Variants in LRRC1 observed in about 807,000 individuals in gnomAD.
The protein encoded by LRRC1 is leucine-rich repeat-containing protein 1.
A neutral mutation model predicts 69.9 loss-of-function variants in LRRC1; 28 were observed. That is an observed-to-expected ratio of 0.40 (90% CI 0.30 to 0.55). The LOEUF (loss-of-function observed/expected upper bound fraction) is 0.55. Ranked by LOEUF, LRRC1 falls within the 20% of genes least tolerant of loss-of-function variation. The pLI is 0.47. For missense variants in LRRC1, 498 were observed against 609.0 expected (o/e 0.82, Z 1.92); for synonymous variants, 236 against 240.2 (o/e 0.98, Z 0.16).
intron 1 of LRRC1, among the ~76,000 whole-genome samples, chr6:53,816,774 A>T (rs1042645714): frequency 1.3e-5 from 2 of 152,166 alleles, no homozygotes; most frequent in African/African-American, 2.4e-5. Context: ...CTTTCCTTGT[A>T]TTTCTGATTC....
chr6:53,849,219 C>T (rs140577579), intron 2 of LRRC1, among the ~76,000 whole-genome samples: 92 of 152,316 alleles, frequency 6.0e-4, no homozygotes, highest in Non-Finnish European at 1.0e-3. Context: ...TCTTCGTACT[C>T]CATCCCTCCC....
chr6:53,849,706 A>G (rs1766066094), intron 2 of LRRC1, among the ~76,000 whole-genome samples: 1 of 152,250 alleles, frequency 6.6e-6, no homozygotes, highest in Admixed American at 6.5e-5. Context: ...CAATTTGAAG[A>G]TTAAATATAG....
At chr6:53,884,062 T>A in intron 4 of LRRC1, 1 of 714,016 alleles carries the variant, frequency 1.4e-6, no homozygotes, top group Admixed American at 2.0e-5. Context: ...AATTCTGCCC[T>A]TAAACTCTCA....
intron 10 of LRRC1, among the ~76,000 whole-genome samples, chr6:53,911,312 TTTAA>T (rs1339847920): frequency 2.6e-5 from 4 of 152,226 alleles, no homozygotes; most frequent in South Asian, 4.1e-4. Flanking sequence ...TCTGACCCAC[TTTAA>T]TTAATTAATT....
chr6:53,878,928 T>C, intron 2 of LRRC1, 65 bp from the exon 3 acceptor site: 1 of 906,772 alleles, frequency 1.1e-6, no homozygotes, highest in Non-Finnish European at 1.8e-6. Context: ...GTGTGATCCA[T>C]CTTGAGAGTG....
chr6:53,823,308 G>T (rs943261380), intron 1 of LRRC1, among the ~76,000 whole-genome samples: 1 of 152,156 alleles, frequency 6.6e-6, no homozygotes, highest in African/African-American at 2.4e-5. Context: ...CCTTATTAAA[G>T]AACTTAATAT....
At chr6:53,832,632 T>G (rs867328103) in intron 1 of LRRC1, among the ~76,000 whole-genome samples, 33 of 152,336 alleles carry the variant, frequency 2.2e-4, no homozygotes, top group Middle Eastern at 3.4e-3. Context: ...GTAAACAGAT[T>G]ATATCCCCCT....
chr6:53,833,405 C>T (rs1482156440), intron 1 of LRRC1, among the ~76,000 whole-genome samples: 7 of 152,118 alleles, frequency 4.6e-5, no homozygotes, highest in Non-Finnish European at 1.0e-4. Flanking sequence ...TTAATGGTGA[C>T]AGCTTAATAA....
chr6:53,867,452 T>C (rs1562050930), intron 2 of LRRC1, among the ~76,000 whole-genome samples: 1 of 151,252 alleles, frequency 6.6e-6, no homozygotes. Flanking sequence ...ATCTCACTAA[T>C]TGAAAGCAAT....
At chr6:53,817,197 T>G (rs1764975146) in intron 1 of LRRC1, among the ~76,000 whole-genome samples, 1 of 152,174 alleles carries the variant, frequency 6.6e-6, no homozygotes, top group African/African-American at 2.4e-5. Context: ...CACCCAAGCA[T>G]CATAGCTGCC....
At chr6:53,823,326 C>T (rs901668192) in intron 1 of LRRC1, among the ~76,000 whole-genome samples, 1 of 152,188 alleles carries the variant, frequency 6.6e-6, no homozygotes, top group African/African-American at 2.4e-5. Context: ...TATATTGCAG[C>T]ATGGATCCTT....
At chr6:53,845,639 C>T (rs1765919156) in intron 2 of LRRC1, among the ~76,000 whole-genome samples, 1 of 152,114 alleles carries the variant, frequency 6.6e-6, no homozygotes. Context: ...TTCCTTAGTT[C>T]TTGATTTTGC....
intron 2 of LRRC1, among the ~76,000 whole-genome samples, chr6:53,848,640 A>C (rs1766024006): frequency 6.6e-6 from 1 of 152,194 alleles, no homozygotes; most frequent in Non-Finnish European, 1.5e-5. Context: ...GCTTTGTCAG[A>C]ACATATATAT....
At chr6:53,897,402 C>T (rs369621174) in intron 7 of LRRC1, 43 bp downstream of exon 7, 26 of 1,343,328 alleles carry the variant, frequency 1.9e-5, no homozygotes, top group African/African-American at 4.4e-5. Flanking sequence ...CATAAAACAG[C>T]AACAATAAGC....
At chr6:53,896,199 G>T (rs1767866169) in intron 4 of LRRC1, among the ~76,000 whole-genome samples, 1 of 152,194 alleles carries the variant, frequency 6.6e-6, no homozygotes, top group Non-Finnish European at 1.5e-5. Context: ...TGTTTTATTG[G>T]CTGATGAGTT....
chr6:53,883,191 G>A (rs753059181), intron 4 of LRRC1, among the ~76,000 whole-genome samples: 1 of 152,142 alleles, frequency 6.6e-6, no homozygotes, highest in Non-Finnish European at 1.5e-5. Flanking sequence ...ACTGCTACTT[G>A]TTACTAGTAA....
chr6:53,899,997 T>G, intron 8 of LRRC1, 106 bp downstream of exon 8: 3 of 844,344 alleles, frequency 3.6e-6, no homozygotes, highest in Non-Finnish European at 3.5e-6. Flanking sequence ...GCTGAGGATG[T>G]GGCTCCTTAA....
chr6:53,920,887 T>G, intron 13 of LRRC1, 126 bp downstream of exon 13: 1 of 1,103,886 alleles, frequency 9.1e-7, no homozygotes, highest in Non-Finnish European at 1.3e-6. Context: ...ATTTAGGAAT[T>G]TTTTTAGAAG....
chr6:53,900,491 C>A (rs1329710960), intron 8 of LRRC1, among the ~76,000 whole-genome samples: 2 of 152,158 alleles, frequency 1.3e-5, no homozygotes, highest in African/African-American at 4.8e-5. Flanking sequence ...TATCTTCTCT[C>A]AATGATTTCA....
Sources: allele counts gnomAD v4.1 joint callset (sites outside exome capture counted in the v4.1 genomes callset), GRCh38; gene constraint gnomAD v4.1.1; transcripts MANE v1.5; gene names NCBI Gene and HGNC (gene_info 2026-07-23, HGNC 2026-07-21).